The following FRMPD4 variants were observed in gnomAD, a reference collection of about 807,000 sequenced individuals.
FRMPD4 encodes FERM and PDZ domain-containing protein 4.
A neutral mutation model predicts 94.1 loss-of-function variants in FRMPD4; 22 were observed. The ratio of observed to expected loss-of-function variants is 0.23; its 90% CI spans 0.17 to 0.33. FRMPD4 has a LOEUF of 0.33. Ranked by LOEUF, FRMPD4 falls within the 10% of genes least tolerant of loss-of-function variation. The pLI is 1.00. For missense variants in FRMPD4, 1,111 were observed against 1,339.9 expected (o/e 0.83, Z 2.67); for synonymous variants, 631 against 548.6 (o/e 1.15, Z -2.10).
At chrX:11,963,419 A>G (rs1193951645) in intron 3 of FRMPD4, among the ~76,000 whole-genome samples, 1 of 112,624 alleles carries the variant, frequency 8.9e-6, no homozygotes, top group East Asian at 2.8e-4. Flanking sequence ...GTTTGCCATA[A>G]GCAATCCTAA....
rs903635913 is a variant in FRMPD4, at chrX:12,184,774, C to G, written c.41+45762C>G. Among the ~76,000 whole-genome samples, 3 of 110,861 alleles carry G rather than the reference C, an allele frequency of 2.7e-5. No homozygotes were observed. The Admixed American group carries it at 2.9e-4, about 11-fold the overall frequency. On this transcript the variant is annotated intron_variant, in intron 1 of 16. Transcript: ENST00000675598. ...TCATTTATTTGTGGGATCTAAAAATCAAAACATTGAACTCGTGGAGATAGA... is the reference window on the plus strand; with the variant it reads ...TCATTTATTTGTGGGATCTAAAAATGAAAACATTGAACTCGTGGAGATAGA...
chrX:12,453,161 T>C (rs1224980935), intron 1 of FRMPD4, among the ~76,000 whole-genome samples: 3 of 112,115 alleles, frequency 2.7e-5, no homozygotes, highest in African/African-American at 9.7e-5. Context: ...GTTTATCTCA[T>C]GTGATTTTTC....
intron 1 of FRMPD4, among the ~76,000 whole-genome samples, chrX:12,178,977 C>CTG (rs1480870850): frequency 1.8e-5 from 2 of 111,827 alleles, no homozygotes; most frequent in Admixed American, 9.5e-5. Flanking sequence ...CTTATTATTT[C>CTG]TCATGATTCA....
intron 7 of FRMPD4, 53 bp downstream of exon 7, chrX:12,686,257 G>A (rs1308119114): frequency 5.2e-6 from 3 of 578,057 alleles, no homozygotes; most frequent in Admixed American, 2.7e-5. Context: ...ACAACATGCA[G>A]GACACTGTGA....
At chrX:12,455,599 G>A (rs977740572) in intron 1 of FRMPD4, among the ~76,000 whole-genome samples, 21 of 111,853 alleles carry the variant, frequency 1.9e-4, no homozygotes, top group African/African-American at 6.8e-4. Flanking sequence ...GAGAGTCCAG[G>A]TATATAGTAA....
intron 3 of FRMPD4, among the ~76,000 whole-genome samples, chrX:11,963,490 G>A (rs1397531169): frequency 8.9e-6 from 1 of 112,297 alleles, no homozygotes; most frequent in Non-Finnish European, 1.9e-5. Flanking sequence ...CCAGCCTTTA[G>A]TTTGTTTGCC....
chrX:12,626,595 G>A (rs1461824897), intron 4 of FRMPD4, among the ~76,000 whole-genome samples: 1 of 98,573 alleles, frequency 1.0e-5, no homozygotes, highest in Non-Finnish European at 2.0e-5. Context: ...GCTGTAACTG[G>A]CCTTTAGAAC....
intron 1 of FRMPD4, among the ~76,000 whole-genome samples, chrX:12,362,127 A>C (rs1311251101): frequency 9.1e-6 from 1 of 110,115 alleles, no homozygotes; most frequent in Non-Finnish European, 1.9e-5. Context: ...TAGGAGGGAA[A>C]GTCTGTCATC....
intron 1 of FRMPD4, among the ~76,000 whole-genome samples, chrX:12,322,366 T>G (rs5978518): frequency 0.022 from 2,451 of 111,045 alleles, 70 homozygotes; most frequent in African/African-American, 0.077. Context: ...AATTGAAGGA[T>G]GTCAGGGGAA....
intron 6 of FRMPD4, among the ~76,000 whole-genome samples, chrX:12,685,781 G>C (rs1265838085): frequency 8.9e-6 from 1 of 111,878 alleles, no homozygotes; most frequent in Non-Finnish European, 1.9e-5. Context: ...TGCTCAAGAC[G>C]TCCTGCCCTG....
At chrX:11,882,298 G>A (rs2053818338) in intron 3 of FRMPD4, among the ~76,000 whole-genome samples, 1 of 110,773 alleles carries the variant, frequency 9.0e-6, no homozygotes, top group Non-Finnish European at 1.9e-5. Context: ...CCTTGCCTGA[G>A]AAAGGTACAA....
chrX:12,102,023 AACT>A (rs1370370520), intron 3 of FRMPD4, among the ~76,000 whole-genome samples: 1 of 112,117 alleles, frequency 8.9e-6, no homozygotes, highest in African/African-American at 3.2e-5. Flanking sequence ...TATTCTTAAT[AACT>A]ACATTTCACT....
intron 3 of FRMPD4, among the ~76,000 whole-genome samples, chrX:11,951,300 G>A (rs773752485): frequency 1.5e-4 from 17 of 110,676 alleles, no homozygotes; most frequent in South Asian, 1.2e-3. Context: ...ATGTATGTTC[G>A]TCACAGCACT....
intron 3 of FRMPD4, among the ~76,000 whole-genome samples, chrX:12,098,937 G>A (rs1453038041): frequency 9.2e-6 from 1 of 108,269 alleles, no homozygotes; most frequent in Admixed American, 9.9e-5. Context: ...TGCATCTTGG[G>A]GTTGTAGAGG....
chrX:12,138,213 T>TC (rs2055628294), upstream of FRMPD4, among the ~76,000 whole-genome samples: 1 of 112,272 alleles, frequency 8.9e-6, no homozygotes, highest in Non-Finnish European at 1.9e-5. Context: ...CCAACCTCAA[T>TC]CATCCCTGCT....
At chrX:12,061,298 G>A (rs779193657) in intron 3 of FRMPD4, among the ~76,000 whole-genome samples, 110 of 112,094 alleles carry the variant, frequency 9.8e-4, no homozygotes, top group Non-Finnish European at 1.7e-3. Flanking sequence ...TTCTGGTATA[G>A]AGAGGAAGTT....
Position 12,446,251 on chromosome X carries a change from T to G in FRMPD4, c.42-52429T>G, listed in dbSNP as rs1471506808. Among the ~76,000 whole-genome samples, 23 of 112,514 alleles carry G rather than the reference T, an allele frequency of 2.0e-4. No individual in the cohort carries two copies. The Admixed American group carries it at 2.2e-3, about 11-fold the overall frequency. On this transcript the variant is annotated intron_variant, in intron 1 of 16. Coordinates refer to ENST00000675598, the MANE Select transcript of FRMPD4 (RefSeq NM_001368397.1). The stretch of plus-strand genomic sequence containing the variant: ...AAACAATCAATAATGAACAGAATAT[T>G]TGTAGTTAGTATGTATGACAAACAC...
At chrX:12,474,495 C>A (rs939181973) in intron 1 of FRMPD4, among the ~76,000 whole-genome samples, 1 of 111,592 alleles carries the variant, frequency 9.0e-6, no homozygotes, top group Admixed American at 9.5e-5. Flanking sequence ...ACACAAAAAA[C>A]CCTTCAAAAA....
At chrX:12,576,108 C>T (rs183212790) in intron 2 of FRMPD4, among the ~76,000 whole-genome samples, 76 of 112,004 alleles carry the variant, frequency 6.8e-4, no homozygotes, top group African/African-American at 2.5e-3. Flanking sequence ...GTTCCAAAAT[C>T]TCATCCGATG....
Sources: gnomAD v4.1 joint callset for allele counts (sites outside exome capture counted in the v4.1 genomes callset) on GRCh38, gnomAD v4.1.1 for gene constraint, MANE v1.5 for transcripts, NCBI Gene and HGNC (gene_info 2026-07-23, HGNC 2026-07-21) for gene names.